The following FSHR variants were observed in gnomAD, a reference collection of about 807,000 sequenced individuals.
FSHR encodes the protein follicle-stimulating hormone receptor.
Under a neutral mutation model 52.1 loss-of-function variants are expected in FSHR, and 46 were observed. That is an observed-to-expected ratio of 0.88 (90% CI 0.70 to 1.13). The LOEUF (loss-of-function observed/expected upper bound fraction) is 1.13, where lower values mean the gene tolerates loss of function less well. Ranked by LOEUF, FSHR falls within the 50% of genes most tolerant of loss-of-function variation. FSHR has a pLI of 0.00. For missense variants in FSHR, 964 were observed against 834.6 expected, an observed-to-expected ratio of 1.16 and a Z score of -1.91; for synonymous variants, 399 against 309.6, an observed-to-expected ratio of 1.29 and a Z score of -3.03.
intron 2 of FSHR, among the ~76,000 whole-genome samples, chr2:49,022,167 CTAGCAGT>C (rs1667748137): frequency 6.6e-6 from 1 of 151,972 alleles, no homozygotes; most frequent in Non-Finnish European, 1.5e-5. Flanking sequence ...TCCAGGTTCA[CTAGCAGT>C]TAGCAGTACA....
chr2:49,088,474 C>G (rs1381904897), intron 1 of FSHR, among the ~76,000 whole-genome samples: 2 of 152,204 alleles, frequency 1.3e-5, no homozygotes, highest in Non-Finnish European at 2.9e-5. Context: ...ACTCTAGATT[C>G]TGCACCCCGG....
At chr2:49,053,789 G>C (rs191739479) in intron 2 of FSHR, among the ~76,000 whole-genome samples, 125 of 152,304 alleles carry the variant, frequency 8.2e-4, no homozygotes, top group African/African-American at 2.9e-3. Flanking sequence ...CATCAGCAAG[G>C]GTTGGGGAAT....
intron 1 of FSHR, among the ~76,000 whole-genome samples, chr2:49,110,669 C>A (rs1042674181): frequency 2.0e-5 from 3 of 152,014 alleles, no homozygotes; most frequent in Non-Finnish European, 4.4e-5. Flanking sequence ...CTTATAAATG[C>A]CTGTTAGTCA....
chr2:49,154,455 G>C lies in FSHR; in HGVS notation c.-38C>G. On this transcript the variant is annotated 5_prime_UTR_variant, in exon 1 of 10. Transcript: ENST00000406846. ...ATCCACCTGATTTCTTCCTGCATTT[G>C]CAGAGAAAAACCTCCACAGATCTCA... The C allele has an allele frequency of 6.2e-7, 1 of 1,609,466 alleles. No homozygotes were observed. The highest frequency in any genetic ancestry group is 8.5e-7 in the Non-Finnish European group (1 of 1,178,030).
At chr2:48,966,557 C>G (rs1001480025) in intron 9 of FSHR, among the ~76,000 whole-genome samples, 1 of 152,172 alleles carries the variant, frequency 6.6e-6, no homozygotes, top group African/African-American at 2.4e-5. Context: ...TGTTTACACT[C>G]TGGGCATTAT....
intron 1 of FSHR, among the ~76,000 whole-genome samples, chr2:49,105,755 G>T (rs1444968749): frequency 6.6e-6 from 1 of 152,080 alleles, no homozygotes; most frequent in Non-Finnish European, 1.5e-5. Context: ...CCCACTCAAG[G>T]CCACTGAGCA....
chr2:49,078,522 A>G (rs1480096545), intron 1 of FSHR, among the ~76,000 whole-genome samples: 1 of 152,224 alleles, frequency 6.6e-6, no homozygotes, highest in Non-Finnish European at 1.5e-5. Flanking sequence ...AGCAGAGTCT[A>G]AATAAATAAT....
At chr2:49,007,004 G>A (rs1667096021) in intron 4 of FSHR, among the ~76,000 whole-genome samples, 3 of 152,104 alleles carry the variant, frequency 2.0e-5, no homozygotes, top group Admixed American at 2.0e-4. Flanking sequence ...AACAAAGCCT[G>A]GAGTGTACTA....
At chr2:48,988,886 C>T (rs1675637114) in intron 6 of FSHR, 91 bp downstream of exon 6, 2 of 1,065,734 alleles carry the variant, frequency 1.9e-6, no homozygotes, top group Non-Finnish European at 2.9e-6. Flanking sequence ...CCAAAGTTAC[C>T]CAAACAAAAA....
intron 5 of FSHR, 147 bp downstream of exon 5, chr2:48,990,419 C>G: frequency 2.9e-6 from 2 of 684,962 alleles, no homozygotes; most frequent in Non-Finnish European, 2.6e-6. Flanking sequence ...AATCAAGGAC[C>G]TCACTTCTGG....
At chr2:49,053,100 T>A (rs1216449594) in intron 2 of FSHR, among the ~76,000 whole-genome samples, 4 of 152,226 alleles carry the variant, frequency 2.6e-5, no homozygotes, top group Non-Finnish European at 1.5e-5. Flanking sequence ...CATTTCTATA[T>A]GCAAATAAAT....
In FSHR at chr2:48,989,037, A is replaced by G. The variant is rs1295696385; in HGVS notation, c.464T>C (p.Ile155Thr). 2 of 1,613,686 alleles carry G rather than the reference A, an allele frequency of 1.2e-6. No homozygotes were observed. The highest frequency in any genetic ancestry group is 2.2e-5 in the East Asian group (1 of 44,848). The change falls in exon 6 of 10, where the codon ATA becomes ACA. Residue 155 changes from isoleucine to threonine, a missense_variant. By Grantham distance (89) the Ile-to-Thr change is moderately conservative (BLOSUM62 -1). Coordinates refer to ENST00000406846, the MANE Select transcript of FSHR (RefSeq NM_000145.4). ...ATTTCTTTCAATTGTGTGGATGTTT[A>G]TGTTATCTTGAATGTCACTAGAAGA... ...QKVLLDIQDN[I>T]NIHTIERNSF...
chr2:49,139,983 T>C (rs576552781), intron 1 of FSHR, among the ~76,000 whole-genome samples: 17 of 152,184 alleles, frequency 1.1e-4, no homozygotes, highest in Admixed American at 1.0e-3. Context: ...AATGGTGGTA[T>C]TGTGACAAGT....
intron 4 of FSHR, among the ~76,000 whole-genome samples, chr2:49,003,163 T>C (rs779043255): frequency 7.9e-5 from 12 of 152,172 alleles, no homozygotes; most frequent in Non-Finnish European, 1.5e-4. Context: ...AAATATTCTT[T>C]TGTGGAGCAT....
chr2:48,988,278 A>G (rs1244993526), intron 6 of FSHR, among the ~76,000 whole-genome samples: 1 of 152,230 alleles, frequency 6.6e-6, no homozygotes, highest in East Asian at 1.9e-4. Context: ...AATGCTTTTC[A>G]TATCTTACAG....
chr2:48,968,687 G>A lies in FSHR; in HGVS notation c.854+11C>T. ...GGAAATGCCTGAGCAGGGCTTAAAG[G>A]ATGGACTCACATTTGCCGTCTCCAG... is the stretch of plus-strand genomic sequence containing the variant. On this transcript the variant is annotated intron_variant, in intron 9 of 9. Transcript: ENST00000406846. The A allele has an allele frequency of 6.2e-7, 1 of 1,613,910 alleles. No homozygotes were observed. Among genetic ancestry groups the A allele is most frequent in the Non-Finnish European group, 8.5e-7 (1 of 1,179,796 alleles).
chr2:49,034,718 C>T (rs1443909806), intron 2 of FSHR, among the ~76,000 whole-genome samples: 1 of 152,080 alleles, frequency 6.6e-6, no homozygotes. Context: ...ACTGCGATTC[C>T]CTGCCCCATT....
intron 2 of FSHR, among the ~76,000 whole-genome samples, chr2:49,046,662 A>C (rs1272560331): frequency 6.6e-6 from 1 of 152,226 alleles, no homozygotes; most frequent in Non-Finnish European, 1.5e-5. Context: ...TTTATTGCTC[A>C]CAGCATCTAT....
At chr2:48,984,088 C>G (rs186175480) in intron 6 of FSHR, among the ~76,000 whole-genome samples, 83 of 152,254 alleles carry the variant, frequency 5.5e-4, no homozygotes, top group Admixed American at 2.6e-3. Context: ...TAACACTGTA[C>G]AGAAAGCTGA....
Sources: allele counts gnomAD v4.1 joint callset (sites outside exome capture counted in the v4.1 genomes callset), GRCh38; gene constraint gnomAD v4.1.1; transcripts MANE v1.5; gene names NCBI Gene and HGNC (gene_info 2026-07-23, HGNC 2026-07-21).